The following BANK1 variants were observed in gnomAD, a reference collection of about 807,000 sequenced individuals.
BANK1 encodes the protein B-cell scaffold protein with ankyrin repeats.
Under a neutral mutation model 94.5 loss-of-function variants are expected in BANK1, and 95 were observed. That is an observed-to-expected ratio of 1.00 (90% confidence interval 0.85 to 1.19). The LOEUF (loss-of-function observed/expected upper bound fraction) is 1.19. BANK1 is among the 50% of genes most tolerant of loss of function. BANK1 has a pLI of 0.00. For synonymous variants in BANK1, 334 were observed against 308.4 expected, an observed-to-expected ratio of 1.08 and a Z score of -0.87; for missense variants, 987 against 932.2, an observed-to-expected ratio of 1.06 and a Z score of -0.77.
intron 10 of BANK1, among the ~76,000 whole-genome samples, chr4:102,031,136 C>G (rs997590495): frequency 2.6e-5 from 4 of 152,188 alleles, no homozygotes; most frequent in Non-Finnish European, 5.9e-5. Context: ...GCCATTCTAA[C>G]TGGTGTGAGA....
chr4:101,956,559 T>C (rs1724351812), intron 7 of BANK1, among the ~76,000 whole-genome samples: 1 of 152,150 alleles, frequency 6.6e-6, no homozygotes, highest in Admixed American at 6.5e-5. Context: ...ATCACACTGG[T>C]AACAGATCTA....
chr4:101,866,084 C>A (rs555133715), intron 4 of BANK1, among the ~76,000 whole-genome samples: 2 of 151,944 alleles, frequency 1.3e-5, no homozygotes, highest in South Asian at 4.2e-4. Flanking sequence ...ATGCATCAGA[C>A]TAGAATTAGA....
At chr4:101,981,732 C>A (rs1371085551) in intron 7 of BANK1, 1 of 151,832 alleles carries the variant, frequency 6.6e-6, no homozygotes, top group Non-Finnish European at 1.5e-5. Flanking sequence ...CTTTCTATAC[C>A]TTTTCTAAGC....
In BANK1 at chr4:101,933,852, A is replaced by G. The variant is rs1372504597; in HGVS notation, c.1206+15663A>G. ...CGAACTGATAGTGCCCTAACTGTGT[A>G]TAGTTTTATAAATTCTATGAGACAC... On this transcript the variant is annotated intron_variant, in intron 7 of 16. Coordinates refer to ENST00000322953, the MANE Select transcript of BANK1 (RefSeq NM_017935.5). Among the ~76,000 whole-genome samples, 5 of 151,460 alleles carry G rather than the reference A, an allele frequency of 3.3e-5. No homozygotes were observed. In the South Asian group the frequency reaches 6.2e-4, roughly 19 times the overall value.
chr4:102,015,587 A>G (rs1378502040), intron 7 of BANK1, among the ~76,000 whole-genome samples: 2 of 152,182 alleles, frequency 1.3e-5, no homozygotes, highest in African/African-American at 4.8e-5. Flanking sequence ...TTATCTCTAA[A>G]TAACAAAAGT....
chr4:101,795,429 T>C (rs183545902), intron 1 of BANK1, among the ~76,000 whole-genome samples: 1,732 of 152,258 alleles, frequency 0.011, 31 homozygotes, highest in Non-Finnish European at 0.013. Flanking sequence ...TGTTTTTTTT[T>C]CTAGGATGGG....
intron 7 of BANK1, among the ~76,000 whole-genome samples, chr4:101,993,203 C>T (rs1202518956): frequency 6.6e-6 from 1 of 152,134 alleles, no homozygotes; most frequent in Non-Finnish European, 1.5e-5. Flanking sequence ...TGCATGTCTG[C>T]ATGCTCTAGT....
intron 6 of BANK1, among the ~76,000 whole-genome samples, chr4:101,909,089 T>C (rs1722567163): frequency 6.6e-6 from 1 of 152,188 alleles, no homozygotes; most frequent in South Asian, 2.1e-4. Flanking sequence ...ATCATGCTGC[T>C]AGAAAGACAC....
intron 11 of BANK1, among the ~76,000 whole-genome samples, chr4:102,053,722 T>G (rs1375205452): frequency 6.6e-6 from 1 of 151,850 alleles, no homozygotes; most frequent in African/African-American, 2.4e-5. Context: ...TATTGTAAAT[T>G]TATTTATAAG....
chr4:101,909,625 A>G (rs1042894074), intron 6 of BANK1, among the ~76,000 whole-genome samples: 2 of 152,176 alleles, frequency 1.3e-5, no homozygotes, highest in Non-Finnish European at 2.9e-5. Flanking sequence ...CTGTAAACCT[A>G]CAACCTTCCA....
At position 102,058,074 on chromosome 4, in the gene BANK1, C is replaced by T. The variant is rs146690275; in HGVS notation, c.1970-2137C>T. On this transcript the variant is annotated intron_variant, in intron 11 of 16. Coordinates refer to ENST00000322953, the MANE Select transcript of BANK1 (RefSeq NM_017935.5). ...ACAATCTTTATTTTTTAAATGACTA[C>T]GTGATTTTTATTAAGTAAATATTTT... is the stretch of plus-strand genomic sequence containing the variant. Among the ~76,000 whole-genome samples the T allele has an allele frequency of 8.0e-4, 122 of 152,056 alleles. 1 individual carries two copies. In the East Asian group the frequency reaches 8.1e-3, roughly 10 times the overall value.
chr4:101,854,569 C>T (rs1249204077), intron 2 of BANK1, among the ~76,000 whole-genome samples: 1 of 151,474 alleles, frequency 6.6e-6, no homozygotes, highest in African/African-American at 2.4e-5. Context: ...AAATACTAGT[C>T]TAATTTATTT....
At chr4:101,806,140 C>CA (rs556037713) in intron 1 of BANK1, among the ~76,000 whole-genome samples, 42 of 151,612 alleles carry the variant, frequency 2.8e-4, no homozygotes, top group African/African-American at 9.7e-4. Flanking sequence ...GTAATAAAAA[C>CA]AAAAAACTGG....
chr4:101,915,355 T>G (rs1722793421), intron 6 of BANK1, among the ~76,000 whole-genome samples: 1 of 152,172 alleles, frequency 6.6e-6, no homozygotes, highest in Non-Finnish European at 1.5e-5. Flanking sequence ...ACTATATTGC[T>G]TCTCATGAAA....
intron 7 of BANK1, among the ~76,000 whole-genome samples, chr4:102,000,736 T>C (rs1034057354): frequency 4.6e-5 from 7 of 152,150 alleles, no homozygotes; most frequent in Admixed American, 3.3e-4. Flanking sequence ...TCTATACATA[T>C]TTAGGAAGTA....
chr4:101,997,856 T>G (rs1463229601), intron 7 of BANK1, among the ~76,000 whole-genome samples: 1 of 152,198 alleles, frequency 6.6e-6, no homozygotes, highest in South Asian at 2.1e-4. Flanking sequence ...TGCTAATTTT[T>G]TAAAAAAACC....
intron 5 of BANK1, among the ~76,000 whole-genome samples, chr4:101,879,531 A>C (rs1728602114): frequency 6.6e-6 from 1 of 152,090 alleles, no homozygotes; most frequent in Admixed American, 6.5e-5. Flanking sequence ...AGAAGGTTGA[A>C]TACTAATCCT....
chr4:101,917,097 A>T (rs941367544), intron 6 of BANK1, among the ~76,000 whole-genome samples: 3 of 151,998 alleles, frequency 2.0e-5, no homozygotes, highest in African/African-American at 4.8e-5. Context: ...GTTTTCAAAA[A>T]AGCAATGAGA....
At chr4:101,791,025 G>A (rs1724964495) in intron 1 of BANK1, 75 bp downstream of exon 1, 4 of 1,221,068 alleles carry the variant, frequency 3.3e-6, no homozygotes, top group Non-Finnish European at 4.4e-6. Context: ...ACGGGCCATC[G>A]TTAGACAACT....
Sources: allele counts gnomAD v4.1 joint callset (sites outside exome capture counted in the v4.1 genomes callset), GRCh38; gene constraint gnomAD v4.1.1; transcripts MANE v1.5; gene names NCBI Gene and HGNC (gene_info 2026-07-23, HGNC 2026-07-21).